The following PDXDC1 variants were observed in gnomAD, a reference collection of about 807,000 sequenced individuals.
PDXDC1 encodes the protein pyridoxal dependent decarboxylase domain containing 1.
In PDXDC1, 42 loss-of-function variants were observed where a neutral mutation model predicts 100.1. The ratio of observed to expected loss-of-function variants is 0.42; its 90% CI spans 0.33 to 0.54. The LOEUF is 0.54. Ranked by LOEUF, PDXDC1 falls within the 20% of genes least tolerant of loss-of-function variation. The pLI, the probability that PDXDC1 is intolerant of heterozygous loss-of-function variation, is 0.10. For missense variants in PDXDC1, 636 were observed against 979.2 expected, an observed-to-expected ratio of 0.65 and a Z score of 4.68; for synonymous variants, 260 against 371.7, an observed-to-expected ratio of 0.70 and a Z score of 3.46.
intron 1 of PDXDC1, chr16:14,989,360 C>A: frequency 6.2e-7 from 1 of 1,611,840 alleles, no homozygotes; most frequent in Non-Finnish European, 8.5e-7. Flanking sequence ...TCACCAGCTT[C>A]TTGGCGGCCA....
At chr16:15,145,031 G>C in the PDXDC1 span, among the ~76,000 whole-genome samples, 1 of 152,162 alleles carries the variant, frequency 6.6e-6, no homozygotes, top group African/African-American at 2.4e-5. Flanking sequence ...AGCCTGGGTG[G>C]GCAGGTGCTG....
chr16:15,034,915 G>C (rs1013043395), intron 21 of PDXDC1, among the ~76,000 whole-genome samples: 1 of 152,192 alleles, frequency 6.6e-6, no homozygotes, highest in Non-Finnish European at 1.5e-5. Flanking sequence ...GACAGCTTTT[G>C]CAAGTGGCAA....
At chr16:15,135,684 G>T in intron 16 of PDXDC1, 3 of 1,595,124 alleles carry the variant, frequency 1.9e-6, no homozygotes, top group Non-Finnish European at 2.6e-6. Flanking sequence ...TGGAAACTGA[G>T]CGGCGTCTGG....
At chr16:15,015,022 C>G (rs2041676365) in intron 8 of PDXDC1, among the ~76,000 whole-genome samples, 1 of 152,286 alleles carries the variant, frequency 6.6e-6, no homozygotes, top group South Asian at 2.1e-4. Context: ...ACTACAAGCT[C>G]TGCCTCCCAG....
In PDXDC1 at chr16:15,028,911, T is replaced by TGAC. The variant is rs2042837663; in HGVS notation, c.1239_1241dup (p.Thr414dup). 6.2e-7 allele frequency: 1 copy of TGAC among 1,613,906 alleles called. No individual in the cohort carries two copies. The highest frequency in any genetic ancestry group is 1.3e-5 in the African/African-American group (1 of 74,962). On this transcript the variant is annotated inframe_insertion, in exon 15 of 23. Coordinates refer to ENST00000396410, the MANE Select transcript of PDXDC1 (RefSeq NM_015027.4). ...TTTAAAGCCGTCCCAGTGCCCAACA[T>TGAC]GACACCTTCAGGAGTCGGCCGGGAG...
intron 16 of PDXDC1, among the ~76,000 whole-genome samples, chr16:15,050,758 A>G (rs2044262661): frequency 6.6e-6 from 1 of 152,136 alleles, no homozygotes; most frequent in South Asian, 2.1e-4. Context: ...AGATTAAACT[A>G]AAAGAAGAGA....
chr16:15,127,559 C>T (rs1426225333), intron 16 of PDXDC1: 14 of 1,287,806 alleles, frequency 1.1e-5, no homozygotes, highest in Middle Eastern at 2.6e-4. Flanking sequence ...GCGACTGTGT[C>T]GACGCTCAGC....
rs571101724 is a variant in PDXDC1 at position 15,036,336 on chromosome 16, G to A, written c.*61G>A. On this transcript the variant is annotated 3_prime_UTR_variant, in exon 23 of 23. Transcript: ENST00000396410. ...GTTTCAGGGAAGATGAAGTTCTATTGGAAATGTGAACTGTGCCACATACTA... is the reference window on the plus strand; with the variant it reads ...GTTTCAGGGAAGATGAAGTTCTATTAGAAATGTGAACTGTGCCACATACTA... 4.1e-6 allele frequency: 6 copies of A among 1,446,218 alleles called. No homozygotes were observed. The highest frequency in any genetic ancestry group is 3.6e-4 in the Middle Eastern group (2 of 5,572). The allele number at this position is 1,446,218 out of a possible 1,614,324, so 89.6% of individuals were successfully genotyped here. A position where few individuals can be genotyped will look rare whatever the true frequency, so the allele number is the denominator to read the frequency against.
chr16:15,083,266 G>A (rs1032078831), intron 16 of PDXDC1, among the ~76,000 whole-genome samples: 8 of 152,174 alleles, frequency 5.3e-5, no homozygotes, highest in Non-Finnish European at 1.0e-4. Flanking sequence ...GGGCATGGTG[G>A]TAGGCGCCTG....
At chr16:15,137,329 G>A (rs2048379294) in intron 16 of PDXDC1, 3 of 1,408,204 alleles carry the variant, frequency 2.1e-6, no homozygotes, top group Admixed American at 2.0e-5. Context: ...GGCCGGAGCA[G>A]AGGGACAGGC....
intron 16 of PDXDC1, among the ~76,000 whole-genome samples, chr16:15,111,444 C>G (rs1200463314): frequency 6.2e-5 from 6 of 96,886 alleles, no homozygotes; most frequent in Admixed American, 5.7e-4. Flanking sequence ...CAACAAAATT[C>G]AAACTCTGTC....
At chr16:15,003,112 T>A (rs1394195667) in intron 4 of PDXDC1, among the ~76,000 whole-genome samples, 1 of 152,126 alleles carries the variant, frequency 6.6e-6, no homozygotes, top group African/African-American at 2.4e-5. Context: ...ACATTTTATA[T>A]AATCAATTTT....
chr16:15,148,973 C>T, the PDXDC1 span, among the ~76,000 whole-genome samples: 2 of 152,304 alleles, frequency 1.3e-5, no homozygotes, highest in South Asian at 2.1e-4. Context: ...AAGAAACTAC[C>T]GTTTCTCACG....
chr16:15,139,866 G>T (rs2048437222), downstream of PDXDC1, among the ~76,000 whole-genome samples: 1 of 152,088 alleles, frequency 6.6e-6, no homozygotes, highest in Admixed American at 6.5e-5. Context: ...GGGAGGCCAA[G>T]GTGGGTGGAT....
rs1025590270 is a variant in PDXDC1 at position 15,063,435 on chromosome 16, G to T, written c.1399+33379G>T. 1.2e-5 allele frequency: 8 copies of T among 686,274 alleles called. No homozygotes were observed. The African/African-American group carries it at 1.3e-4, about 11-fold the overall frequency. 42.5% of individuals were successfully genotyped at this position (686,274 alleles called of 1,614,324 possible). On this transcript the variant is annotated intron_variant, in intron 16 of 16. Transcript: ENST00000535621. ...ACATTTAAAAAAAACCTGGCTGGGTGCAGTGGCTCACGCCTGTAATCCCAG... is the reference window on the plus strand; with the variant it reads ...ACATTTAAAAAAAACCTGGCTGGGTTCAGTGGCTCACGCCTGTAATCCCAG...
chr16:15,129,951 G>A (rs2047959734), intron 16 of PDXDC1: 2 of 1,430,872 alleles, frequency 1.4e-6, no homozygotes, highest in Non-Finnish European at 2.0e-6. Flanking sequence ...CCACAGAAGG[G>A]GATGGCGCGG....
chr16:15,112,202 T>C (rs2047095661), intron 16 of PDXDC1, among the ~76,000 whole-genome samples: 2 of 148,746 alleles, frequency 1.3e-5, no homozygotes, highest in Non-Finnish European at 3.0e-5. Flanking sequence ...CAGATACCTA[T>C]GAATCTCCTG....
chr16:15,035,912 T>C, intron 22 of PDXDC1, 104 bp from the exon 23 acceptor site: 1 of 1,241,588 alleles, frequency 8.1e-7, no homozygotes, highest in South Asian at 1.4e-5. Flanking sequence ...AGGTTTCTGC[T>C]GAAGCTGTGT....
At chr16:15,092,019 A>C (rs1171943836) in intron 16 of PDXDC1, among the ~76,000 whole-genome samples, 1 of 152,104 alleles carries the variant, frequency 6.6e-6, no homozygotes, top group East Asian at 1.9e-4. Context: ...TCTACTAAAA[A>C]AATAAAAAAA....
Sources: gnomAD v4.1 joint callset for allele counts (sites outside exome capture counted in the v4.1 genomes callset) on GRCh38, gnomAD v4.1.1 for gene constraint, MANE v1.5 for transcripts, NCBI Gene and HGNC (gene_info 2026-07-23, HGNC 2026-07-21) for gene names.